Variants in TBC1D32 observed in about 807,000 individuals in gnomAD.
The protein encoded by TBC1D32 is protein broad-minded.
Under a neutral mutation model 170.3 loss-of-function variants are expected in TBC1D32, and 151 were observed. That is an observed-to-expected ratio of 0.89 (90% confidence interval 0.78 to 1.01). TBC1D32 has a LOEUF of 1.01. Ranked by LOEUF, TBC1D32 falls within the 50% of genes least tolerant of loss-of-function variation. The pLI is 0.00. For missense variants in TBC1D32, 1,464 were observed against 1,457.1 expected (o/e 1.00, Z -0.08); for synonymous variants, 498 against 488.0 (o/e 1.02, Z -0.27).
At chr6:121,198,226 A>AATATATATAAATATATATATTAT (rs1562870753) in intron 22 of TBC1D32, among the ~76,000 whole-genome samples, 1 of 59,298 alleles carries the variant, frequency 1.7e-5, no homozygotes, top group Non-Finnish European at 5.8e-5. Context: ...ATGTGTGTAT[A>AATATATATAAATATATATATTAT]ATATATATAA....
At chr6:121,219,306 C>G (rs963068175) in intron 21 of TBC1D32, among the ~76,000 whole-genome samples, 21 of 152,152 alleles carry the variant, frequency 1.4e-4, no homozygotes, top group Admixed American at 2.0e-4. Context: ...TAAATCATGA[C>G]AGAAAGCAGT....
intron 1 of TBC1D32, among the ~76,000 whole-genome samples, chr6:121,323,716 C>T (rs1051901971): frequency 2.6e-5 from 4 of 152,096 alleles, no homozygotes; most frequent in Admixed American, 1.3e-4. Context: ...CCAACGTGGG[C>T]GGATCACAAG....
In TBC1D32 at chr6:121,304,846, GAC is replaced by G. The variant is rs750622341; in HGVS notation, c.691-15_691-14del. ...TTAAAATCCGGTCCTACGGAAATGA[GAC>G]AGAAAATTTGCATCTAAGATCTCAC... On this transcript the variant is annotated splice_polypyrimidine_tract_variant and intron_variant, in intron 5 of 31. Transcript: ENST00000398212. The G allele has an allele frequency of 6.3e-7, 1 of 1,590,262 alleles. No homozygotes were observed. Among genetic ancestry groups the G allele is most frequent in the Admixed American group, 1.8e-5 (1 of 56,582 alleles).
intron 21 of TBC1D32, among the ~76,000 whole-genome samples, chr6:121,217,495 T>C (rs1467703897): frequency 6.6e-6 from 1 of 152,232 alleles, no homozygotes; most frequent in Non-Finnish European, 1.5e-5. Context: ...AACAAGATCA[T>C]GTCTTTCATG....
At chr6:121,099,777 A>G (rs1221678992) in intron 30 of TBC1D32, among the ~76,000 whole-genome samples, 1 of 151,966 alleles carries the variant, frequency 6.6e-6, no homozygotes, top group Non-Finnish European at 1.5e-5. Context: ...GGACATTTTT[A>G]CATTACCTTA....
chr6:121,285,247 A>T (rs1393192674), intron 12 of TBC1D32, among the ~76,000 whole-genome samples: 1 of 152,194 alleles, frequency 6.6e-6, no homozygotes, highest in Non-Finnish European at 1.5e-5. Context: ...GCTATGATTT[A>T]TTATAACAAA....
rs533701509 is a variant in TBC1D32, at chr6:121,130,397, G to A, written c.2899+1230C>T. On this transcript the variant is annotated intron_variant, in intron 25 of 31. Coordinates refer to ENST00000398212, the MANE Select transcript of TBC1D32 (RefSeq NM_152730.6). ...CTCAGGAGGCTGAAGCAGGAGAATC[G>A]CCTGAACCCAGGAGGCGGAGGTTGT... is the stretch of plus-strand genomic sequence containing the variant. Among the ~76,000 whole-genome samples the A allele has an allele frequency of 2.6e-5, 4 of 152,150 alleles. No homozygotes were observed. The South Asian group carries it at 6.2e-4, about 24-fold the overall frequency.
chr6:121,331,676 A>AT (rs752768544), intron 1 of TBC1D32, among the ~76,000 whole-genome samples: 9 of 152,236 alleles, frequency 5.9e-5, no homozygotes, highest in Admixed American at 2.6e-4. Context: ...TGACTCTAGA[A>AT]TAAGTGTTGA....
Position 121,256,276 on chromosome 6 carries a change from A to C in TBC1D32, c.1743T>G (p.Gly581=). Residue 581 remains glycine, a synonymous_variant, in exon 16 of 32, where the codon GGT becomes GGG. Coordinates refer to ENST00000398212, the MANE Select transcript of TBC1D32 (RefSeq NM_152730.6). The part of the protein sequence containing the change: ...NMNSSEESPT[G]AHIIAQFSKK... ...TCGAAAACTGGGCAATTATATGAGCACCTGTAGGACTAAAAGATGATACCT... is the reference window on the plus strand; with the variant it reads ...TCGAAAACTGGGCAATTATATGAGCCCCTGTAGGACTAAAAGATGATACCT... 1 of 1,609,600 alleles carries C rather than the reference A, an allele frequency of 6.2e-7. No homozygotes were observed. The highest frequency in any genetic ancestry group is 8.5e-7 in the Non-Finnish European group (1 of 1,178,194).
chr6:121,138,095 A>G (rs982369652), intron 24 of TBC1D32, among the ~76,000 whole-genome samples: 2 of 152,104 alleles, frequency 1.3e-5, no homozygotes, highest in African/African-American at 4.8e-5. Context: ...ATAAGCAAGG[A>G]AAAACATTGG....
chr6:121,183,356 G>A (rs755296808), intron 22 of TBC1D32, among the ~76,000 whole-genome samples: 1 of 152,106 alleles, frequency 6.6e-6, no homozygotes, highest in Non-Finnish European at 1.5e-5. Context: ...ACGGGATGAT[G>A]TTTGAAGATG....
intron 9 of TBC1D32, 73 bp downstream of exon 9, chr6:121,303,544 T>A: frequency 8.4e-7 from 1 of 1,194,138 alleles, no homozygotes; most frequent in Non-Finnish European, 1.1e-6. Flanking sequence ...CACACAGTAT[T>A]CAAACATTAA....
At chr6:121,303,783 A>C in intron 8 of TBC1D32, 22 bp from the exon 9 acceptor site, 1 of 1,485,470 alleles carries the variant, frequency 6.7e-7, no homozygotes, top group Non-Finnish European at 9.1e-7. Flanking sequence ...GGAAAAAAGA[A>C]ATACAATTAC....
chr6:121,286,793 C>T (rs928523055), intron 12 of TBC1D32, among the ~76,000 whole-genome samples: 11 of 152,348 alleles, frequency 7.2e-5, no homozygotes, highest in African/African-American at 2.4e-4. Flanking sequence ...ATCAGACTAA[C>T]AGTTGATCTC....
intron 26 of TBC1D32, among the ~76,000 whole-genome samples, chr6:121,119,076 T>G (rs1181317966): frequency 6.6e-6 from 1 of 152,136 alleles, no homozygotes; most frequent in African/African-American, 2.4e-5. Flanking sequence ...CTCCTCTTAT[T>G]TTCCATGATG....
rs760090404 is a variant in TBC1D32, at chr6:121,115,196, TG to T, written c.3028del (p.Gln1010SerfsTer6). The T allele has an allele frequency of 6.2e-7, 1 of 1,603,798 alleles. No individual in the cohort carries two copies. Among genetic ancestry groups the T allele is most frequent in the Non-Finnish European group, 8.5e-7 (1 of 1,173,860 alleles). ...VKNESLSSVQ[Q>X]LGIKMTVRYG... is the part of the protein sequence containing the mutation. The stretch of plus-strand genomic sequence containing the variant: ...CCTGACAGTCATTTTAATGCCAAGC[TG>T]CTGCACAGATGAAAGACTTTCATTC... On this transcript the variant is annotated frameshift_variant, in exon 27 of 32. Coordinates refer to ENST00000398212, the MANE Select transcript of TBC1D32 (RefSeq NM_152730.6). LOFTEE classifies it high-confidence loss of function.
chr6:121,231,677 C>T (rs117248317), intron 20 of TBC1D32, among the ~76,000 whole-genome samples: 3,668 of 151,962 alleles, frequency 0.024, 166 homozygotes, highest in East Asian at 0.12. Context: ...AGTGATATTG[C>T]ACATTTTTCC....
intron 21 of TBC1D32, among the ~76,000 whole-genome samples, chr6:121,208,164 C>T (rs1460834335): frequency 1.3e-5 from 2 of 151,888 alleles, no homozygotes; most frequent in Non-Finnish European, 2.9e-5. Context: ...AAATGTCACC[C>T]TATTCAGAAA....
At chr6:121,262,998 A>T (rs1243122537) in intron 15 of TBC1D32, among the ~76,000 whole-genome samples, 2 of 152,186 alleles carry the variant, frequency 1.3e-5, no homozygotes, top group Admixed American at 6.5e-5. Flanking sequence ...AAGACCAATG[A>T]CATTATGAAG....
Sources: allele counts gnomAD v4.1 joint callset (sites outside exome capture counted in the v4.1 genomes callset), GRCh38; gene constraint gnomAD v4.1.1; transcripts MANE v1.5; gene names NCBI Gene and HGNC (gene_info 2026-07-23, HGNC 2026-07-21).